Variants in UXS1 observed in about 807,000 individuals in gnomAD.
The protein encoded by UXS1 is UDP-glucuronate decarboxylase 1, also known as UDP-glucuronic acid decarboxylase 1.
Under a neutral mutation model 62.6 loss-of-function variants are expected in UXS1, and 33 were observed. The ratio of observed to expected loss-of-function variants is 0.53; its 90% confidence interval spans 0.40 to 0.70. UXS1 has a LOEUF of 0.70. UXS1 is among the 30% of genes least tolerant of loss of function. The pLI is 0.00. For synonymous variants in UXS1, 213 were observed against 206.8 expected, an observed-to-expected ratio of 1.03 and a Z score of -0.26; for missense variants, 434 against 556.3, an observed-to-expected ratio of 0.78 and a Z score of 2.21.
chr2:106,171,322 T>G (rs1204105278), intron 1 of UXS1, among the ~76,000 whole-genome samples: 1 of 152,170 alleles, frequency 6.6e-6, no homozygotes, highest in East Asian at 1.9e-4. Flanking sequence ...GAGTCTAACT[T>G]GATTTCTTAA....
chr2:106,118,144 G>C (rs1031870601), intron 9 of UXS1, among the ~76,000 whole-genome samples: 2 of 152,172 alleles, frequency 1.3e-5, no homozygotes, highest in Non-Finnish European at 2.9e-5. Flanking sequence ...GCTGCTACTG[G>C]GCAGGTCCAG....
intron 10 of UXS1, among the ~76,000 whole-genome samples, chr2:106,112,228 C>T (rs924397953): frequency 7.2e-5 from 11 of 152,204 alleles, no homozygotes; most frequent in Non-Finnish European, 1.3e-4. Flanking sequence ...GAGGGCCTGC[C>T]GGCATTGTCA....
intron 1 of UXS1, 47 bp downstream of exon 1, chr2:106,194,101 C>T (rs1260085813): frequency 2.1e-6 from 3 of 1,412,080 alleles, no homozygotes; most frequent in Non-Finnish European, 2.8e-6. Context: ...CACCGCGGCG[C>T]CGGGGAATGA....
At chr2:106,156,420 A>G (rs902695765) in intron 5 of UXS1, among the ~76,000 whole-genome samples, 2 of 152,162 alleles carry the variant, frequency 1.3e-5, no homozygotes, top group Non-Finnish European at 2.9e-5. Flanking sequence ...AAACTGGAAC[A>G]CTCATATGCT....
intron 4 of UXS1, among the ~76,000 whole-genome samples, chr2:106,162,089 C>T (rs755501430): frequency 2.6e-5 from 4 of 152,150 alleles, no homozygotes; most frequent in Admixed American, 1.3e-4. Flanking sequence ...GCCAGGCCTA[C>T]GCTTGACCTT....
chr2:106,157,943 T>C (rs997738680), intron 5 of UXS1, 115 bp downstream of exon 5: 10 of 917,894 alleles, frequency 1.1e-5, no homozygotes, highest in African/African-American at 1.7e-5. Flanking sequence ...GGACATACTA[T>C]AAGCCACTGA....
intron 1 of UXS1, among the ~76,000 whole-genome samples, chr2:106,185,772 A>T (rs1298095850): frequency 2.6e-5 from 4 of 152,222 alleles, no homozygotes; most frequent in African/African-American, 9.6e-5. Context: ...AAATGTTCTT[A>T]TAAGAAACAC....
At chr2:106,121,900 C>T (rs1202046361) in intron 9 of UXS1, among the ~76,000 whole-genome samples, 3 of 152,164 alleles carry the variant, frequency 2.0e-5, no homozygotes, top group African/African-American at 4.8e-5. Flanking sequence ...TGTGGTACCA[C>T]GGGAAGGGAA....
At chr2:106,166,902 CAT>C (rs528745729) in intron 1 of UXS1, among the ~76,000 whole-genome samples, 3 of 152,164 alleles carry the variant, frequency 2.0e-5, no homozygotes, top group African/African-American at 4.8e-5. Flanking sequence ...CAAATAATCA[CAT>C]GTCTGAAAGA....
At chr2:106,166,656 G>A (rs187742304) in intron 1 of UXS1, among the ~76,000 whole-genome samples, 2 of 148,550 alleles carry the variant, frequency 1.3e-5, no homozygotes, top group Non-Finnish European at 3.0e-5. Context: ...TGCAGTTTTG[G>A]AATACCTCTT....
At chr2:106,112,488 G>A (rs966924460) in intron 10 of UXS1, among the ~76,000 whole-genome samples, 158 bp downstream of exon 10, 3 of 152,216 alleles carry the variant, frequency 2.0e-5, no homozygotes, top group Non-Finnish European at 2.9e-5. Flanking sequence ...TCTGGGTTAT[G>A]TCCCCGTGCC....
intron 1 of UXS1, among the ~76,000 whole-genome samples, chr2:106,169,513 C>T (rs558044928): frequency 3.3e-5 from 5 of 152,104 alleles, no homozygotes; most frequent in Non-Finnish European, 7.4e-5. Flanking sequence ...CCTGCGCAAA[C>T]TGGTGAAAAC....
intron 12 of UXS1, among the ~76,000 whole-genome samples, chr2:106,099,592 G>A (rs1000994052): frequency 5.3e-5 from 8 of 152,124 alleles, no homozygotes; most frequent in Admixed American, 3.3e-4. Flanking sequence ...GCAGACACAC[G>A]ATTCCAATTT....
rs80267067 is a variant in UXS1 at position 106,114,552 on chromosome 2, C to T, written c.760-1787G>A. The stretch of plus-strand genomic sequence containing the variant: ...CTCAGCAAATTTACAATAATCAACG[C>T]AATGTGCCTGGCAGGGGAAAAGCTC... On this transcript the variant is annotated intron_variant, in intron 9 of 14. Coordinates refer to ENST00000283148, the MANE Select transcript of UXS1 (RefSeq NM_001253875.2). Among the ~76,000 whole-genome samples, 833 of 152,280 alleles carry T rather than the reference C, an allele frequency of 5.5e-3. 3 individuals carry two copies. Among genetic ancestry groups the T allele is most frequent in the Non-Finnish European group, 8.4e-3 (571 of 68,022 alleles).
intron 11 of UXS1, 94 bp from the exon 12 acceptor site, chr2:106,101,212 C>A: frequency 3.0e-6 from 4 of 1,322,094 alleles, no homozygotes; most frequent in South Asian, 1.5e-5. Context: ...AAAATTACCA[C>A]CCCCAGGAGA....
At chr2:106,095,433 G>A (rs1676994770) in intron 14 of UXS1, among the ~76,000 whole-genome samples, 1 of 152,192 alleles carries the variant, frequency 6.6e-6, no homozygotes, top group Non-Finnish European at 1.5e-5. Flanking sequence ...ATGAAATAAG[G>A]ATCAGGCTGG....
intron 5 of UXS1, among the ~76,000 whole-genome samples, chr2:106,152,650 C>T (rs1682130237): frequency 6.6e-6 from 1 of 151,976 alleles, no homozygotes; most frequent in African/African-American, 2.4e-5. Flanking sequence ...TAAGTAAGAA[C>T]AGCAAGAGTC....
At chr2:106,153,338 G>A (rs1448209427) in intron 5 of UXS1, among the ~76,000 whole-genome samples, 7 of 152,174 alleles carry the variant, frequency 4.6e-5, no homozygotes, top group Admixed American at 4.6e-4. Context: ...TAACAGCTGG[G>A]TGAGATACTG....
chr2:106,156,373 AAGAC>A (rs780900375), intron 5 of UXS1, among the ~76,000 whole-genome samples: 27 of 152,198 alleles, frequency 1.8e-4, no homozygotes, highest in Non-Finnish European at 3.4e-4. Flanking sequence ...TACAATCAAA[AAGAC>A]AGACAATAAG....
Sources: allele counts gnomAD v4.1 joint callset (sites outside exome capture counted in the v4.1 genomes callset), GRCh38; gene constraint gnomAD v4.1.1; transcripts MANE v1.5; gene names NCBI Gene and HGNC (gene_info 2026-07-23, HGNC 2026-07-21).